The following CSPP1 variants were observed in gnomAD, a reference collection of about 807,000 sequenced individuals.
CSPP1 encodes the protein centrosome and spindle pole-associated protein 1.
Under a neutral mutation model 164.4 loss-of-function variants are expected in CSPP1, and 126 were observed. That is an observed-to-expected ratio of 0.77 (90% CI 0.66 to 0.89). The LOEUF is 0.89. CSPP1 is among the 40% of genes least tolerant of loss of function. The pLI is 0.00. For synonymous variants in CSPP1, 472 were observed against 476.7 expected (o/e 0.99, Z 0.13); for missense variants, 1,395 against 1,449.8 (o/e 0.96, Z 0.61).
At chr8:67,148,882 A>G (rs1000235913) in intron 17 of CSPP1, among the ~76,000 whole-genome samples, 3 of 152,144 alleles carry the variant, frequency 2.0e-5, no homozygotes, top group Admixed American at 6.5e-5. Context: ...TGTGTATTAG[A>G]TATCTATTCT....
intron 8 of CSPP1, among the ~76,000 whole-genome samples, chr8:67,105,402 A>G (rs1387858160): frequency 6.6e-6 from 1 of 151,960 alleles, no homozygotes; most frequent in African/African-American, 2.4e-5. Context: ...TGTTTTTGAT[A>G]TGTGTCTCAC....
At chr8:67,147,513 T>C (rs761198839) in intron 17 of CSPP1, among the ~76,000 whole-genome samples, 2 of 152,190 alleles carry the variant, frequency 1.3e-5, no homozygotes, top group Non-Finnish European at 2.9e-5. Flanking sequence ...CACCCTCTTA[T>C]TGGCTATTTT....
intron 21 of CSPP1, 67 bp downstream of exon 21, chr8:67,159,204 A>G: frequency 7.0e-7 from 1 of 1,430,846 alleles, no homozygotes; most frequent in Non-Finnish European, 9.5e-7. Context: ...AGAGTTGTAC[A>G]GTTGTTAGAA....
chr8:67,190,572 TTAA>T, intron 28 of CSPP1, 75 bp from the exon 29 acceptor site: 1 of 1,056,462 alleles, frequency 9.5e-7, no homozygotes, highest in Non-Finnish European at 1.5e-6. Flanking sequence ...ATCTTAGTAA[TTAA>T]AAGGCTCTTG....
intron 1 of CSPP1, among the ~76,000 whole-genome samples, chr8:67,066,176 T>C (rs1208325210): frequency 6.6e-6 from 1 of 152,134 alleles, no homozygotes; most frequent in Non-Finnish European, 1.5e-5. Context: ...TTATTCACTC[T>C]CTCTTTGTAT....
intron 1 of CSPP1, chr8:67,065,512 T>G: frequency 1.0e-6 from 1 of 980,656 alleles, no homozygotes; most frequent in Non-Finnish European, 1.2e-6. Flanking sequence ...CTTGTAATGT[T>G]GACAAGCTCC....
Position 67,172,499 on chromosome 8 carries a change from G to A in CSPP1, c.2912G>A (p.Gly971Asp). 1 of 1,613,672 alleles carries A rather than the reference G, an allele frequency of 6.2e-7. No individual in the cohort carries two copies. The highest frequency in any genetic ancestry group is 8.5e-7 in the Non-Finnish European group (1 of 1,179,624). Residue 971 changes from glycine (G) to aspartate (D), a missense_variant, in exon 25 of 31, where the codon GGC becomes GAC. Transcript: ENST00000678616. The stretch of plus-strand genomic sequence containing the variant: ...CCTGTCAGAAGACAGTCCCCTAAGG[G>A]CTTAGACGCTGCCACTTTTCAGAAT... ...QAPVRRQSPK[G>D]LDAATFQNVH...
At chr8:67,112,762 A>G (rs1817129020) in intron 10 of CSPP1, among the ~76,000 whole-genome samples, 1 of 152,196 alleles carries the variant, frequency 6.6e-6, no homozygotes, top group East Asian at 1.9e-4. Context: ...TTAACTGTCA[A>G]AAAATACACT....
chr8:67,095,323 G>T lies in CSPP1; in HGVS notation c.514G>T (p.Gly172Cys). The change falls in exon 7 of 31, where the codon GGT becomes TGT. Residue 172 changes from glycine (G) to cysteine (C), a missense_variant. Physicochemically the swap from Gly to Cys is radical, Grantham distance 159 (BLOSUM62 -3). Coordinates refer to ENST00000678616, the MANE Select transcript of CSPP1 (RefSeq NM_001382391.1). The part of the protein sequence containing the change: ...PKSQRNKKPI[G>C]QVKPDLTSQI... ...GAGTCAGAGAAATAAAAAACCTATTGGTCAAGTTAAGCCTGATCTAACTTC... is the reference window on the plus strand; with the variant it reads ...GAGTCAGAGAAATAAAAAACCTATTTGTCAAGTTAAGCCTGATCTAACTTC... The T allele has an allele frequency of 1.3e-6, 2 of 1,574,722 alleles. No individual in the cohort carries two copies. The highest frequency in any genetic ancestry group is 2.4e-5 in the South Asian group (2 of 84,364).
At chr8:67,094,119 GAAAAAAAA>G (rs71249416) in intron 6 of CSPP1, among the ~76,000 whole-genome samples, 7 of 29,444 alleles carry the variant, frequency 2.4e-4, no homozygotes, top group Admixed American at 7.5e-4. Context: ...GACCTGGTCT[GAAAAAAAA>G]AAAAAAAAAA....
rs772831391 is a variant in CSPP1 at position 67,116,053 on chromosome 8, C to G, written c.1427C>G (p.Pro476Arg). The change falls in exon 13 of 31, where the codon CCT becomes CGT. Residue 476 changes from proline (P) to arginine (R), a missense_variant. Transcript: ENST00000678616. ...GTCCCACCCATCCCATCAGTTCATC[C>G]TGTTCCTTCTCAAAATGAAGATTTG... ...PSVPPIPSVHPVPSQNEDLRS... is the reference protein window; with the variant it reads ...PSVPPIPSVHRVPSQNEDLRS... The G allele has an allele frequency of 6.2e-7, 1 of 1,614,026 alleles. No individual in the cohort carries two copies. Among genetic ancestry groups the G allele is most frequent in the African/African-American group, 1.3e-5 (1 of 74,904 alleles).
At chr8:67,076,741 C>T (rs1808001057) in intron 3 of CSPP1, among the ~76,000 whole-genome samples, 160 bp downstream of exon 3, 1 of 152,152 alleles carries the variant, frequency 6.6e-6, no homozygotes, top group Non-Finnish European at 1.5e-5. Flanking sequence ...AAATAGAACT[C>T]ATACTGAAAA....
chr8:67,171,111 G>A (rs1293825400), intron 24 of CSPP1, among the ~76,000 whole-genome samples: 9 of 147,798 alleles, frequency 6.1e-5, no homozygotes, highest in Non-Finnish European at 1.2e-4. Context: ...TTTAAGAGAC[G>A]GGGGGCCGGG....
intron 30 of CSPP1, 55 bp from the exon 31 acceptor site, chr8:67,195,327 T>A: frequency 2.8e-6 from 3 of 1,090,902 alleles, no homozygotes; most frequent in South Asian, 2.5e-5. Flanking sequence ...CCTGCGCTTA[T>A]GTCTCCTGCC....
intron 3 of CSPP1, among the ~76,000 whole-genome samples, chr8:67,084,599 C>G (rs183134638): frequency 6.6e-6 from 1 of 151,834 alleles, no homozygotes; most frequent in Non-Finnish European, 1.5e-5. Context: ...TTTGGCCAGG[C>G]GTGGTGGTGC....
intron 15 of CSPP1, among the ~76,000 whole-genome samples, chr8:67,121,988 T>C (rs1056779357): frequency 6.6e-6 from 1 of 151,970 alleles, no homozygotes; most frequent in African/African-American, 2.4e-5. Context: ...TTCTTATTTT[T>C]AAAAGATTAA....
intron 18 of CSPP1, among the ~76,000 whole-genome samples, chr8:67,152,222 C>T (rs1307806163): frequency 1.3e-5 from 2 of 151,862 alleles, no homozygotes; most frequent in African/African-American, 2.4e-5. Flanking sequence ...TATGTACACA[C>T]AGACACACAT....
chr8:67,132,893 C>T (rs1318552752), intron 16 of CSPP1, among the ~76,000 whole-genome samples: 1 of 152,036 alleles, frequency 6.6e-6, no homozygotes, highest in Non-Finnish European at 1.5e-5. Flanking sequence ...CTGAGAGGAC[C>T]CTGGGACTCT....
chr8:67,102,092 T>G (rs192158141), intron 7 of CSPP1, among the ~76,000 whole-genome samples: 24 of 152,352 alleles, frequency 1.6e-4, no homozygotes, highest in African/African-American at 5.5e-4. Flanking sequence ...AAAAGGTTTT[T>G]AAAGAAGAAA....
Sources: allele counts gnomAD v4.1 joint callset (sites outside exome capture counted in the v4.1 genomes callset), GRCh38; gene constraint gnomAD v4.1.1; transcripts MANE v1.5; gene names NCBI Gene and HGNC (gene_info 2026-07-23, HGNC 2026-07-21).